Variants in CCDC60 observed in about 807,000 individuals in gnomAD.
CCDC60 encodes the protein coiled-coil domain containing 60, also known as coiled-coil domain-containing protein 60.
CCDC60 carries 54 observed loss-of-function variants against 63.5 expected under a neutral mutation model. The observed-to-expected ratio is 0.85, with a 90% CI of 0.68 to 1.07. The LOEUF (loss-of-function observed/expected upper bound fraction) is 1.07, where lower values mean the gene tolerates loss of function less well. CCDC60 is among the 50% of genes least tolerant of loss of function. The probability of loss-of-function intolerance (pLI) is 0.00; values close to 1 mark genes in which losing one functional copy is unlikely to be tolerated. For missense variants in CCDC60, 651 were observed against 684.3 expected (o/e 0.95, Z 0.54); for synonymous variants, 206 against 238.8 (o/e 0.86, Z 1.27).
At chr12:119,495,191 C>T (rs960119630) in intron 5 of CCDC60, among the ~76,000 whole-genome samples, 1 of 152,122 alleles carries the variant, frequency 6.6e-6, no homozygotes, top group Non-Finnish European at 1.5e-5. Flanking sequence ...ACCCAGGTAA[C>T]CTTGCTGCAA....
intron 13 of CCDC60, among the ~76,000 whole-genome samples, chr12:119,536,025 T>C (rs1047533438): frequency 3.3e-5 from 5 of 152,220 alleles, no homozygotes; most frequent in Admixed American, 3.3e-4. Flanking sequence ...TGTTAAAGTC[T>C]CCCATTATTA....
chr12:119,474,011 T>C (rs1326100913), intron 3 of CCDC60, among the ~76,000 whole-genome samples: 2 of 152,210 alleles, frequency 1.3e-5, no homozygotes, highest in Non-Finnish European at 1.5e-5. Context: ...GATCAAATGG[T>C]AGTTCTACTT....
chr12:119,500,998 T>A (rs1951837768), intron 6 of CCDC60, among the ~76,000 whole-genome samples: 1 of 152,228 alleles, frequency 6.6e-6, no homozygotes, highest in African/African-American at 2.4e-5. Context: ...CAAACTCATC[T>A]ACTCAATAAA....
chr12:119,520,823 G>A (rs923946786), intron 9 of CCDC60, among the ~76,000 whole-genome samples: 6 of 152,154 alleles, frequency 3.9e-5, no homozygotes, highest in Admixed American at 1.3e-4. Context: ...TTACAGGCAT[G>A]AGCCCAGCCC....
Position 119,500,076 on chromosome 12 carries a change from A to G in CCDC60, c.558-2A>G. 1.2e-6 allele frequency: 2 copies of G among 1,607,336 alleles called. No individual in the cohort carries two copies. Among genetic ancestry groups the G allele is most frequent in the Non-Finnish European group, 1.7e-6 (2 of 1,174,074 alleles). ...AAACTCATTAAGCTGTTTCTCACTC[A>G]GGGACCCGGGTGGAAGCAAGAGCAC... On this transcript the variant is annotated splice_acceptor_variant, in intron 5 of 13. Transcript: ENST00000327554. LOFTEE classifies it high-confidence loss of function.
chr12:119,373,129 T>C (rs905811865), intron 1 of CCDC60, among the ~76,000 whole-genome samples: 10 of 152,170 alleles, frequency 6.6e-5, no homozygotes, highest in African/African-American at 2.4e-4. Flanking sequence ...GCGTCTCCTT[T>C]ACAAAGTACT....
chr12:119,434,198 C>A (rs1791103348), intron 2 of CCDC60, among the ~76,000 whole-genome samples: 1 of 152,266 alleles, frequency 6.6e-6, no homozygotes, highest in African/African-American at 2.4e-5. Context: ...ACTTTGCTTT[C>A]CAGCTGTGTT....
At chr12:119,505,373 T>C in intron 7 of CCDC60, 70 bp downstream of exon 7, 1 of 1,031,438 alleles carries the variant, frequency 9.7e-7, no homozygotes, top group Non-Finnish European at 1.5e-6. Flanking sequence ...CAAGAAACCC[T>C]CCTGCCTCAA....
intron 1 of CCDC60, among the ~76,000 whole-genome samples, chr12:119,352,358 C>T (rs1386615241): frequency 6.6e-6 from 1 of 152,166 alleles, no homozygotes; most frequent in Non-Finnish European, 1.5e-5. Flanking sequence ...GTTATCCTAC[C>T]ATTTACTAAG....
intron 1 of CCDC60, among the ~76,000 whole-genome samples, chr12:119,387,034 T>TCTCTCTCACACACA (rs543330015): frequency 7.6e-5 from 8 of 105,450 alleles, no homozygotes; most frequent in African/African-American, 2.5e-4. Flanking sequence ...TCTGTCTCTC[T>TCTCTCTCACACACA]CACACACACA....
intron 1 of CCDC60, among the ~76,000 whole-genome samples, chr12:119,361,280 C>T (rs1955788799): frequency 6.6e-6 from 1 of 151,904 alleles, no homozygotes; most frequent in African/African-American, 2.4e-5. Context: ...TAACAAAACC[C>T]TCTCAAATTT....
At chr12:119,369,813 G>T (rs1955879641) in intron 1 of CCDC60, among the ~76,000 whole-genome samples, 1 of 152,152 alleles carries the variant, frequency 6.6e-6, no homozygotes. Flanking sequence ...GGCCTGGCAT[G>T]GAGCAGGTGC....
At chr12:119,502,921 C>A (rs1951890716) in intron 6 of CCDC60, among the ~76,000 whole-genome samples, 1 of 152,182 alleles carries the variant, frequency 6.6e-6, no homozygotes, top group Admixed American at 6.5e-5. Context: ...ATGATCCCAG[C>A]ACTTTGGGAG....
At chr12:119,387,858 G>C (rs1190321542) in intron 1 of CCDC60, 1 of 152,092 alleles carries the variant, frequency 6.6e-6, no homozygotes, top group Non-Finnish European at 1.5e-5. Context: ...AATGTCTCAC[G>C]ATTACATGCA....
At chr12:119,458,359 T>G (rs1390912175) in intron 2 of CCDC60, among the ~76,000 whole-genome samples, 1 of 152,242 alleles carries the variant, frequency 6.6e-6, no homozygotes, top group East Asian at 1.9e-4. Flanking sequence ...ATATTTCTTG[T>G]AGGTAGAGCT....
chr12:119,418,386 C>CTTTTTTTTTTT lies in CCDC60; in HGVS notation c.91-10261_91-10251dup, dbSNP rs556783132. 1.7e-4 allele frequency among the ~76,000 whole-genome samples: 11 copies of CTTTTTTTTTTT among 65,748 alleles called. 2 individuals are homozygous for CTTTTTTTTTTT. Among genetic ancestry groups the CTTTTTTTTTTT allele is most frequent in the Non-Finnish European group, 2.7e-4 (10 of 37,250 alleles). 43.1% of individuals were successfully genotyped at this position (65,748 alleles called of 152,430 possible). ...TCTTTCTTTTTCCTTTTCTTTCTTT[C>CTTTTTTTTTTT]TTTTTTTTTTTTTTTTTTTTTTTTT... is the stretch of plus-strand genomic sequence containing the variant. On this transcript the variant is annotated intron_variant, in intron 1 of 13. Transcript: ENST00000327554.
intron 1 of CCDC60, among the ~76,000 whole-genome samples, chr12:119,345,554 C>T (rs1046424711): frequency 2.0e-5 from 3 of 150,878 alleles, no homozygotes; most frequent in African/African-American, 7.3e-5. Flanking sequence ...ATGGGGCCTG[C>T]AGTTTAGATG....
chr12:119,339,254 G>A (rs572619514), intron 1 of CCDC60, among the ~76,000 whole-genome samples: 136 of 152,152 alleles, frequency 8.9e-4, no homozygotes, highest in Admixed American at 1.8e-3. Flanking sequence ...CTGAAAAAGA[G>A]AGGTGCTTAG....
chr12:119,497,906 G>A (rs1951751310), intron 5 of CCDC60, among the ~76,000 whole-genome samples: 1 of 152,172 alleles, frequency 6.6e-6, no homozygotes, highest in East Asian at 1.9e-4. Flanking sequence ...GGAGAGGCAG[G>A]CAGAACCAAC....
Sources: gnomAD v4.1 joint callset for allele counts (sites outside exome capture counted in the v4.1 genomes callset) on GRCh38, gnomAD v4.1.1 for gene constraint, MANE v1.5 for transcripts, NCBI Gene and HGNC (gene_info 2026-07-23, HGNC 2026-07-21) for gene names.